The following CCDC25 variants were observed in gnomAD, a reference collection of about 807,000 sequenced individuals.
The protein encoded by CCDC25 is coiled-coil domain-containing protein 25.
Under a neutral mutation model 35.3 loss-of-function variants are expected in CCDC25, and 16 were observed. The ratio of observed to expected loss-of-function variants is 0.45; its 90% CI spans 0.31 to 0.69. The LOEUF is 0.69. Among genes scored for constraint, CCDC25 ranks in the 30% least tolerant of loss-of-function variants. The pLI is 0.06. For missense variants in CCDC25, 179 were observed against 250.7 expected (o/e 0.71, Z 1.93); for synonymous variants, 79 against 80.3 (o/e 0.98, Z 0.09).
chr8:27,761,850 G>C (rs907787098), intron 3 of CCDC25, among the ~76,000 whole-genome samples: 3 of 152,026 alleles, frequency 2.0e-5, no homozygotes, highest in African/African-American at 7.2e-5. Context: ...TTTTGGACTG[G>C]GTTTTGTGAG....
At chr8:27,772,225 C>G (rs1422019954) in intron 1 of CCDC25, among the ~76,000 whole-genome samples, 5 of 152,258 alleles carry the variant, frequency 3.3e-5, no homozygotes, top group Non-Finnish European at 7.3e-5. Flanking sequence ...TCTGCCCAAT[C>G]CCAGGGAGTG....
rs1359302616 is a variant in CCDC25 at position 27,735,890 on chromosome 8, G to A, written c.*326C>T. The A allele has an allele frequency of 8.7e-6, 2 of 231,162 alleles. No individual in the cohort carries two copies. Among genetic ancestry groups the A allele is most frequent in the Non-Finnish European group, 8.3e-6 (1 of 120,098 alleles). The allele number at this position is 231,162 out of a possible 1,614,324, so 14.3% of individuals were successfully genotyped here. ...TTTTCAGGGATAGACCAGAGCAGCA[G>A]AAGTACTTTTCAGAGCTGGTTCATT... On this transcript the variant is annotated 3_prime_UTR_variant, in exon 9 of 9. Coordinates refer to ENST00000356537, the MANE Select transcript of CCDC25 (RefSeq NM_018246.3).
chr8:27,736,406 A>C (rs1213747572), intron 8 of CCDC25, among the ~76,000 whole-genome samples, 161 bp from the exon 9 acceptor site: 8 of 152,222 alleles, frequency 5.3e-5, no homozygotes, highest in Non-Finnish European at 7.3e-5. Flanking sequence ...TTAAGTTGTC[A>C]GTTTCCTGAC....
intron 5 of CCDC25, 125 bp from the exon 6 acceptor site, chr8:27,748,723 T>C (rs1219010032): frequency 2.9e-6 from 2 of 681,412 alleles, no homozygotes; most frequent in Non-Finnish European, 5.1e-6. Context: ...CCACCCCTTG[T>C]TTTAAACCAC....
chr8:27,771,683 C>T (rs1804623726), intron 1 of CCDC25, among the ~76,000 whole-genome samples: 1 of 152,132 alleles, frequency 6.6e-6, no homozygotes, highest in Admixed American at 6.5e-5. Flanking sequence ...CCATTTAATA[C>T]CACGTGATAA....
At position 27,765,269 on chromosome 8, in the gene CCDC25, T is replaced by C; in HGVS notation, c.29-18A>G. The C allele has an allele frequency of 6.9e-7, 1 of 1,443,266 alleles. No homozygotes were observed. The highest frequency in any genetic ancestry group is 1.3e-5 in the South Asian group (1 of 78,442). 89.4% of individuals were successfully genotyped at this position (1,443,266 alleles called of 1,614,324 possible). ...TGAATTAACTAAGATAAAACAAAAA[T>C]AAAAAACAATTAGTAACTTCATCAC... On this transcript the variant is annotated intron_variant, in intron 1 of 8. Coordinates refer to ENST00000356537, the MANE Select transcript of CCDC25 (RefSeq NM_018246.3).
Position 27,752,367 on chromosome 8 carries a change from C to T in CCDC25, c.244+145G>A, listed in dbSNP as rs1803841568. The T allele has an allele frequency of 1.3e-5, 8 of 624,960 alleles. No individual in the cohort carries two copies. In the South Asian group the frequency reaches 1.6e-4, roughly 13 times the overall value. 38.7% of individuals were successfully genotyped at this position (624,960 alleles called of 1,614,324 possible). A position where few individuals can be genotyped will look rare whatever the true frequency, so the allele number is the denominator to read the frequency against. ...GACAGGTACCAAAATTGCCATCCAT[C>T]TTAAAGAACAAAACATGGCAAAGGC... is the stretch of plus-strand genomic sequence containing the variant. On this transcript the variant is annotated intron_variant, in intron 5 of 8. Transcript: ENST00000356537.
chr8:27,749,677 A>T (rs1345006179), intron 5 of CCDC25, among the ~76,000 whole-genome samples: 1 of 152,220 alleles, frequency 6.6e-6, no homozygotes, highest in African/African-American at 2.4e-5. Flanking sequence ...CCAAAAAAAA[A>T]AGCTATAAAG....
chr8:27,747,416 A>C (rs1439022476), intron 7 of CCDC25, among the ~76,000 whole-genome samples: 1 of 152,198 alleles, frequency 6.6e-6, no homozygotes, highest in African/African-American at 2.4e-5. Context: ...AGACACTTTG[A>C]TTTTAGCCCA....
At chr8:27,762,260 A>G (rs1272420092) in intron 3 of CCDC25, among the ~76,000 whole-genome samples, 159 bp downstream of exon 3, 4 of 152,152 alleles carry the variant, frequency 2.6e-5, no homozygotes, top group Non-Finnish European at 5.9e-5. Context: ...ATCATTTCCA[A>G]CTTGCAAGGT....
intron 7 of CCDC25, among the ~76,000 whole-genome samples, chr8:27,747,129 T>C (rs1032610409): frequency 2.0e-5 from 3 of 152,252 alleles, no homozygotes; most frequent in Non-Finnish European, 4.4e-5. Context: ...CAGCACTGTA[T>C]GGCAGAACAT....
At chr8:27,771,215 G>A (rs532551759) in intron 1 of CCDC25, among the ~76,000 whole-genome samples, 82 of 152,144 alleles carry the variant, frequency 5.4e-4, no homozygotes, top group Admixed American at 2.2e-3. Flanking sequence ...GTACAGCAAC[G>A]TGCTGTACAA....
intron 4 of CCDC25, among the ~76,000 whole-genome samples, chr8:27,754,977 G>A (rs541995267): frequency 6.6e-6 from 1 of 152,254 alleles, no homozygotes; most frequent in African/African-American, 2.4e-5. Flanking sequence ...GGGCCGAAAA[G>A]TGATGACACT....
intron 2 of CCDC25, 30 bp from the exon 3 acceptor site, chr8:27,762,488 CA>C: frequency 1.2e-6 from 2 of 1,601,164 alleles, no homozygotes; most frequent in Non-Finnish European, 8.5e-7. Context: ...ACGAAAGAAA[CA>C]AAAACTGTCA....
At chr8:27,764,658 A>G (rs1461281443) in intron 2 of CCDC25, 2 of 216,624 alleles carry the variant, frequency 9.2e-6, no homozygotes, top group East Asian at 3.6e-4. Flanking sequence ...ATCTAAATTT[A>G]TATCTGTGAC....
intron 3 of CCDC25, among the ~76,000 whole-genome samples, chr8:27,758,294 C>T (rs1804087799): frequency 6.6e-6 from 1 of 152,188 alleles, no homozygotes; most frequent in Non-Finnish European, 1.5e-5. Flanking sequence ...ACACCTAGTA[C>T]AAGATGTAGA....
chr8:27,735,589 T>A lies in CCDC25; in HGVS notation c.*627A>T, dbSNP rs1803191865. 6.6e-6 allele frequency: 1 copy of A among 152,156 alleles called. No individual in the cohort carries two copies. The highest frequency in any genetic ancestry group is 2.4e-5 in the African/African-American group (1 of 41,416). The allele number at this position is 152,156 out of a possible 1,614,324, so 9.4% of individuals were successfully genotyped here. On this transcript the variant is annotated 3_prime_UTR_variant, in exon 9 of 9. Coordinates refer to ENST00000356537, the MANE Select transcript of CCDC25 (RefSeq NM_018246.3). ...TGAACACCATCAATTTCTTTAAATA[T>A]GTTGATACTAAGATGGAGGCCTCTG...
chr8:27,762,707 T>C (rs1412674623), intron 2 of CCDC25, among the ~76,000 whole-genome samples: 1 of 152,150 alleles, frequency 6.6e-6, no homozygotes, highest in Non-Finnish European at 1.5e-5. Context: ...ATATTATTTC[T>C]ATATGAAGAT....
At chr8:27,746,493 T>C (rs776917261) in intron 7 of CCDC25, among the ~76,000 whole-genome samples, 20 of 152,356 alleles carry the variant, frequency 1.3e-4, no homozygotes, top group Non-Finnish European at 2.2e-4. Context: ...TGTTCCATCA[T>C]GTTCCTAAAC....
Sources: gnomAD v4.1 joint callset for allele counts (sites outside exome capture counted in the v4.1 genomes callset) on GRCh38, gnomAD v4.1.1 for gene constraint, MANE v1.5 for transcripts, NCBI Gene and HGNC (gene_info 2026-07-23, HGNC 2026-07-21) for gene names.